SENP2: variants seen among roughly 807,000 people sequenced by gnomAD.
The protein encoded by SENP2 is sentrin-specific protease 2.
A neutral mutation model predicts 86.3 loss-of-function variants in SENP2; 16 were observed. The ratio of observed to expected loss-of-function variants is 0.19; its 90% CI spans 0.13 to 0.28. SENP2 has a LOEUF of 0.28. Among genes scored for constraint, SENP2 ranks in the 10% least tolerant of loss-of-function variants. The pLI is 1.00. For synonymous variants in SENP2, 222 were observed against 238.7 expected (o/e 0.93, Z 0.64); for missense variants, 552 against 703.0 (o/e 0.79, Z 2.43).
intron 1 of SENP2, among the ~76,000 whole-genome samples, chr3:185,587,757 C>T (rs1032138300): frequency 5.0e-5 from 3 of 60,542 alleles, no homozygotes; most frequent in Admixed American, 1.7e-4. Flanking sequence ...TTTTTTGAGA[C>T]AGAGTCTCAT....
At chr3:185,610,221 T>C (rs6764618) in intron 7 of SENP2, among the ~76,000 whole-genome samples, 56,248 of 148,458 alleles carry the variant, frequency 0.38, 10,886 homozygotes, top group South Asian at 0.5. Flanking sequence ...AGTGCAGTGA[T>C]GCAATCTCAG....
chr3:185,599,552 C>T (rs1318025711), intron 4 of SENP2, among the ~76,000 whole-genome samples: 1 of 151,664 alleles, frequency 6.6e-6, no homozygotes, highest in Non-Finnish European at 1.5e-5. Context: ...CAGAATCCTG[C>T]GAAATAGTTG....
At chr3:185,620,083 G>A (rs1029732623) in intron 13 of SENP2, among the ~76,000 whole-genome samples, 1 of 148,174 alleles carries the variant, frequency 6.7e-6, no homozygotes, top group African/African-American at 2.5e-5. Flanking sequence ...TATTTTTAGA[G>A]ACAGGGTCTC....
chr3:185,586,611 G>C lies in SENP2; in HGVS notation c.101+97G>C, dbSNP rs1721791282. On this transcript the variant is annotated intron_variant, in intron 1 of 16. Transcript: ENST00000296257. The surrounding 1 kb of genome is among the most constrained non-coding windows in gnomAD (Gnocchi z 4.3). ...AGCTTTGATTCAGCCAGGCTCACCC[G>C]AAACAGGTCGCCGGGATCCTAGTGA... is the stretch of plus-strand genomic sequence containing the variant. 4 of 1,165,722 alleles carry C rather than the reference G, an allele frequency of 3.4e-6. No individual in the cohort carries two copies. The highest frequency in any genetic ancestry group is 5.0e-6 in the Non-Finnish European group (4 of 802,892). The allele number at this position is 1,165,722 out of a possible 1,614,324, so 72.2% of individuals were successfully genotyped here. A position where few individuals can be genotyped will look rare whatever the true frequency, so the allele number is the denominator to read the frequency against.
intron 15 of SENP2, among the ~76,000 whole-genome samples, chr3:185,624,822 C>T (rs868497757): frequency 6.7e-6 from 1 of 149,982 alleles, no homozygotes; most frequent in Non-Finnish European, 1.5e-5. Context: ...GAGCCGAGAT[C>T]GCACCACTGC....
rs575610506 is a variant in SENP2 at position 185,623,230 on chromosome 3, C to G, written c.1527-768C>G. ...GATCTCGGCTCACCGCAACCTCTGT[C>G]TCCCGGGTTCAAGAGATTCTCCTGC... On this transcript the variant is annotated intron_variant, in intron 14 of 16. Coordinates refer to ENST00000296257, the MANE Select transcript of SENP2 (RefSeq NM_021627.3). Among the ~76,000 whole-genome samples, 25 of 152,122 alleles carry G rather than the reference C, an allele frequency of 1.6e-4. 1 individual carries two copies. In the South Asian group the frequency reaches 4.8e-3, roughly 29 times the overall value.
intron 10 of SENP2, 27 bp downstream of exon 10, chr3:185,613,435 A>C (rs764973500): frequency 7.2e-7 from 1 of 1,385,470 alleles, no homozygotes; most frequent in African/African-American, 1.4e-5. Flanking sequence ...GTTACATTTG[A>C]TACCTGTTTA....
chr3:185,623,941 A>C, intron 14 of SENP2, 57 bp from the exon 15 acceptor site: 1 of 1,003,810 alleles, frequency 1.0e-6, no homozygotes, highest in Non-Finnish European at 1.5e-6. Flanking sequence ...ATGTAACCAT[A>C]ATGGTTAATT....
chr3:185,598,618 T>G, intron 3 of SENP2, 73 bp downstream of exon 3: 1 of 1,453,494 alleles, frequency 6.9e-7, no homozygotes, highest in Non-Finnish European at 9.4e-7. Context: ...AAATTCTCTC[T>G]TCGAGAGTTA....
intron 2 of SENP2, among the ~76,000 whole-genome samples, chr3:185,594,220 AT>A (rs1451080302): frequency 1.3e-5 from 2 of 151,964 alleles, no homozygotes; most frequent in African/African-American, 4.8e-5. Context: ...TGACTTAATT[AT>A]TTAGGACAAT....
At chr3:185,594,620 C>CTT (rs11317593) in intron 2 of SENP2, among the ~76,000 whole-genome samples, 4 of 137,368 alleles carry the variant, frequency 2.9e-5, no homozygotes, top group African/African-American at 8.1e-5. Flanking sequence ...GGCTCATGAT[C>CTT]TTTTTTTTTT....
In SENP2 at chr3:185,609,173, T is replaced by G. The variant is rs568438256; in HGVS notation, c.619-74T>G. On this transcript the variant is annotated intron_variant, in intron 6 of 16. Coordinates refer to ENST00000296257, the MANE Select transcript of SENP2 (RefSeq NM_021627.3). ...ATAGTGCTGGCAAATAAAACACACC[T>G]ATGGTTTACATTTGGCCTTTTAATT... 290 of 954,078 alleles carry G rather than the reference T, an allele frequency of 3.0e-4. 4 individuals carry two copies. The South Asian group carries it at 4.2e-3, about 14-fold the overall frequency. The allele number at this position is 954,078 out of a possible 1,614,324, so 59.1% of individuals were successfully genotyped here.
chr3:185,587,048 G>A (rs936721759), intron 1 of SENP2, among the ~76,000 whole-genome samples: 1 of 152,190 alleles, frequency 6.6e-6, no homozygotes, highest in East Asian at 1.9e-4. Context: ...AGGCTTAGGT[G>A]CCTCACTCCT....
chr3:185,613,464 T>A, intron 10 of SENP2, 56 bp downstream of exon 10: 1 of 1,072,024 alleles, frequency 9.3e-7, no homozygotes, highest in Non-Finnish European at 1.4e-6. Context: ...ACTTATGTTT[T>A]GGTGCCCATG....
At position 185,631,006 on chromosome 3, in the gene SENP2, G is replaced by T. The variant is rs1712431747; in HGVS notation, c.*1162G>T. The T allele has an allele frequency of 6.6e-6, 1 of 152,146 alleles. No individual in the cohort carries two copies. Among genetic ancestry groups the T allele is most frequent in the Admixed American group, 6.5e-5 (1 of 15,282 alleles). The allele number at this position is 152,146 out of a possible 1,614,324, so 9.4% of individuals were successfully genotyped here. A position where few individuals can be genotyped will look rare whatever the true frequency, so the allele number is the denominator to read the frequency against. ...CCTTACTGATATGGTTATAACTTCA[G>T]ACAGTTTAGAGTTGGTCAGAACATA... On this transcript the variant is annotated 3_prime_UTR_variant, in exon 17 of 17. Coordinates refer to ENST00000296257, the MANE Select transcript of SENP2 (RefSeq NM_021627.3).
intron 2 of SENP2, among the ~76,000 whole-genome samples, chr3:185,598,052 G>T (rs1302674783): frequency 6.6e-6 from 1 of 152,000 alleles, no homozygotes; most frequent in Non-Finnish European, 1.5e-5. Context: ...TCACTCTGTT[G>T]CCCAGGCTGG....
chr3:185,594,339 G>A (rs1722106738), intron 2 of SENP2, among the ~76,000 whole-genome samples: 1 of 152,298 alleles, frequency 6.6e-6, no homozygotes, highest in East Asian at 1.9e-4. Flanking sequence ...CTAAACCAAA[G>A]GGTAAGCGGT....
rs774508270 is a variant in SENP2 at position 185,598,447 on chromosome 3, A to G, written c.193A>G (p.Asn65Asp). Residue 65 changes from asparagine (N) to aspartate (D), a missense_variant, in exon 3 of 17, where the codon AAT (asparagine) becomes GAT (aspartate). Asn to Asp is a conservative substitution (Grantham distance 23). Transcript: ENST00000296257. ...TCACCAAGTGAAAAACAGTCTCTAC[A>G]ATGCTGCCAGCTTATTTGGATTCCC... ...FIHQVKNSLY[N>D]AASLFGFPFQ... is the part of the protein sequence containing the mutation. 3.1e-6 allele frequency: 5 copies of G among 1,614,134 alleles called. No individual in the cohort carries two copies. The highest frequency in any genetic ancestry group is 3.4e-6 in the Non-Finnish European group (4 of 1,179,992).
At chr3:185,605,500 T>C (rs1722485074) in intron 5 of SENP2, among the ~76,000 whole-genome samples, 1 of 152,222 alleles carries the variant, frequency 6.6e-6, no homozygotes, top group Non-Finnish European at 1.5e-5. Flanking sequence ...CTTTTTCTTT[T>C]TCCTAATACA....
Sources: allele counts gnomAD v4.1 joint callset (sites outside exome capture counted in the v4.1 genomes callset), GRCh38; gene constraint gnomAD v4.1.1; non-coding constraint Gnocchi (gnomAD v3.1); transcripts MANE v1.5; gene names NCBI Gene and HGNC (gene_info 2026-07-23, HGNC 2026-07-21).